DRD3: variants seen among roughly 807,000 people sequenced by gnomAD.
DRD3 encodes the protein dopamine receptor D3, also known as D(3) dopamine receptor.
A neutral mutation model predicts 36.3 loss-of-function variants in DRD3; 19 were observed. The observed-to-expected ratio is 0.52, with a 90% confidence interval of 0.36 to 0.77. DRD3 has a LOEUF of 0.77. Among genes scored for constraint, DRD3 ranks in the 30% least tolerant of loss-of-function variants. The probability of loss-of-function intolerance (pLI) is 0.00; values close to 1 mark genes in which losing one functional copy is unlikely to be tolerated. For synonymous variants in DRD3, 195 were observed against 203.7 expected (o/e 0.96, Z 0.36); for missense variants, 465 against 505.3 (o/e 0.92, Z 0.77).
intron 3 of DRD3, among the ~76,000 whole-genome samples, chr3:114,152,012 G>T (rs1288007017): frequency 2.0e-5 from 3 of 152,220 alleles, no homozygotes; most frequent in Non-Finnish European, 4.4e-5. Context: ...TGGAGATTTT[G>T]ATTTAGTACT....
intron 2 of DRD3, among the ~76,000 whole-genome samples, chr3:114,167,534 GT>G (rs1322846500): frequency 6.6e-6 from 1 of 152,176 alleles, no homozygotes; most frequent in Non-Finnish European, 1.5e-5. Flanking sequence ...CTTGGTTTTT[GT>G]CCTGAACTTA....
intron 1 of DRD3, among the ~76,000 whole-genome samples, chr3:114,192,111 T>C (rs72946614): frequency 0.11 from 16,956 of 152,186 alleles, 1,887 homozygotes; most frequent in African/African-American, 0.29. Flanking sequence ...GGGTTAACTA[T>C]TATAGAAGCA....
rs2077401432 is a variant in DRD3, at chr3:114,128,871, C to T, written c.1048G>A (p.Val350Ile). The T allele has an allele frequency of 4.3e-6, 7 of 1,610,898 alleles. No individual in the cohort carries two copies. The highest frequency in any genetic ancestry group is 1.3e-5 in the African/African-American group (1 of 74,740). ...VCWLPFFLTH[V>I]LNTHCQTCHV... ...CATGTCTGGCAGTGGGTATTGAGAACATGGGTCAAGAAGAAGGGCAGCCAG... is the reference window on the plus strand; with the variant it reads ...CATGTCTGGCAGTGGGTATTGAGAATATGGGTCAAGAAGAAGGGCAGCCAG... Residue 350 changes from valine (V) to isoleucine (I), a missense_variant, in exon 7 of 7, where the codon GTT (valine) becomes ATT (isoleucine). By Grantham distance (29) the Val-to-Ile change is conservative. Coordinates refer to ENST00000383673, the MANE Select transcript of DRD3 (RefSeq NM_000796.6).
At chr3:114,146,744 G>A (rs548076876) in intron 4 of DRD3, among the ~76,000 whole-genome samples, 1 of 151,460 alleles carries the variant, frequency 6.6e-6, no homozygotes, top group South Asian at 2.1e-4. Flanking sequence ...AATTAGTGAG[G>A]CTAAAAGATG....
chr3:114,160,691 A>T lies in DRD3; in HGVS notation c.271-824T>A, dbSNP rs143349368. On this transcript the variant is annotated intron_variant, in intron 2 of 6. Transcript: ENST00000383673. ...AAATTTACCTCCAAAGTAAAAATCT[A>T]TCTGGCTTCAGCTTGTAAAGCTTGG... Among the ~76,000 whole-genome samples the T allele has an allele frequency of 8.3e-3, 1,264 of 152,314 alleles. 17 individuals are homozygous for T. The highest frequency in any genetic ancestry group is 0.01 in the Non-Finnish European group (692 of 68,022).
chr3:114,196,602 C>T (rs2078036636), intron 1 of DRD3, among the ~76,000 whole-genome samples: 1 of 152,094 alleles, frequency 6.6e-6, no homozygotes, highest in Admixed American at 6.5e-5. Flanking sequence ...TTTCCACCAA[C>T]AATGCATAAA....
chr3:114,136,163 G>A (rs1040639432), intron 5 of DRD3, among the ~76,000 whole-genome samples: 1 of 152,018 alleles, frequency 6.6e-6, no homozygotes, highest in Non-Finnish European at 1.5e-5. Context: ...GCCATGAGCT[G>A]TGATCACACC....
intron 3 of DRD3, among the ~76,000 whole-genome samples, chr3:114,156,753 TTCTTTC>T (rs2077675136): frequency 9.0e-5 from 9 of 99,482 alleles, no homozygotes; most frequent in African/African-American, 3.4e-4. Flanking sequence ...TTTTCTTTCT[TTCTTTC>T]TTTCTTTCTT....
At chr3:114,138,901 G>A (rs2077498777) in intron 5 of DRD3, among the ~76,000 whole-genome samples, 1 of 152,162 alleles carries the variant, frequency 6.6e-6, no homozygotes, top group Admixed American at 6.5e-5. Flanking sequence ...AGTACATCGT[G>A]GGAAAACTAC....
intron 3 of DRD3, among the ~76,000 whole-genome samples, chr3:114,156,434 A>T (rs2077668031): frequency 1.3e-5 from 2 of 150,002 alleles, no homozygotes; most frequent in Non-Finnish European, 1.5e-5. Context: ...CTAATCTTTC[A>T]TATTCAAGAG....
chr3:114,145,134 T>C (rs950640756), intron 4 of DRD3, among the ~76,000 whole-genome samples: 1 of 151,776 alleles, frequency 6.6e-6, no homozygotes, highest in Non-Finnish European at 1.5e-5. Flanking sequence ...CCAGCAGATG[T>C]TGGCAGGGAT....
intron 1 of DRD3, among the ~76,000 whole-genome samples, chr3:114,195,260 G>C (rs11929571): frequency 0.055 from 8,368 of 152,084 alleles, 790 homozygotes; most frequent in African/African-American, 0.19. Context: ...TTTTTGTTTA[G>C]TTTTTGTCTC....
chr3:114,140,488 A>G (rs2077514847), intron 4 of DRD3, among the ~76,000 whole-genome samples: 1 of 152,198 alleles, frequency 6.6e-6, no homozygotes, highest in South Asian at 2.1e-4. Flanking sequence ...ATCTTGAAAA[A>G]GAAAAGAAAA....
chr3:114,142,803 T>C (rs1459203564), intron 4 of DRD3, among the ~76,000 whole-genome samples: 1 of 152,216 alleles, frequency 6.6e-6, no homozygotes, highest in Non-Finnish European at 1.5e-5. Context: ...GGCTCTCACA[T>C]ATAATCACAG....
In DRD3 at chr3:114,158,802, G is replaced by A. The variant is rs1490333528; in HGVS notation, c.383+953C>T. Among the ~76,000 whole-genome samples, 3 of 152,178 alleles carry A rather than the reference G, an allele frequency of 2.0e-5. 1 individual carries two copies. Among genetic ancestry groups the A allele is most frequent in the Middle Eastern group, 6.3e-3 (2 of 316 alleles). Reference sequence around the variant, plus strand: ...ATCTTATTTGGGGTCACCTGTTGGAGCTATGAGGTGGATGGATGATATTAC... The same window carrying A: ...ATCTTATTTGGGGTCACCTGTTGGAACTATGAGGTGGATGGATGATATTAC... On this transcript the variant is annotated intron_variant, in intron 3 of 6. Coordinates refer to ENST00000383673, the MANE Select transcript of DRD3 (RefSeq NM_000796.6).
At chr3:114,193,315 A>G (rs2078021826) in intron 1 of DRD3, among the ~76,000 whole-genome samples, 1 of 150,710 alleles carries the variant, frequency 6.6e-6, no homozygotes, top group Non-Finnish European at 1.5e-5. Context: ...AACAACAACA[A>G]CAGAACTTTC....
intron 5 of DRD3, among the ~76,000 whole-genome samples, chr3:114,135,667 T>G (rs1290253757): frequency 6.6e-6 from 1 of 151,988 alleles, no homozygotes; most frequent in Non-Finnish European, 1.5e-5. Context: ...TTATGGTGTG[T>G]TTTTTTGTTT....
At chr3:114,133,899 G>A (rs1286474855) in intron 5 of DRD3, among the ~76,000 whole-genome samples, 4 of 152,202 alleles carry the variant, frequency 2.6e-5, no homozygotes, top group African/African-American at 9.7e-5. Flanking sequence ...CCAGTCAATT[G>A]CAGATTCACA....
chr3:114,161,265 A>G (rs2077730524), intron 2 of DRD3, among the ~76,000 whole-genome samples: 1 of 152,214 alleles, frequency 6.6e-6, no homozygotes, highest in African/African-American at 2.4e-5. Context: ...ATGGTACAGT[A>G]GCCTCTGAAG....
Sources: allele counts gnomAD v4.1 joint callset (sites outside exome capture counted in the v4.1 genomes callset), GRCh38; gene constraint gnomAD v4.1.1; transcripts MANE v1.5; gene names NCBI Gene and HGNC (gene_info 2026-07-23, HGNC 2026-07-21).